IQCM: variants seen among roughly 807,000 people sequenced by gnomAD.
IQCM encodes IQ domain-containing protein M.
IQCM carries 45 observed loss-of-function variants against 57.6 expected under a neutral mutation model. The observed-to-expected ratio is 0.78, with a 90% CI of 0.62 to 1.00. The LOEUF (loss-of-function observed/expected upper bound fraction) is 1.00, where lower values mean the gene tolerates loss of function less well. Among genes scored for constraint, IQCM ranks in the 50% least tolerant of loss-of-function variants. The probability of loss-of-function intolerance (pLI) is 0.00; values close to 1 mark genes in which losing one functional copy is unlikely to be tolerated. For missense variants in IQCM, 468 were observed against 511.6 expected, an observed-to-expected ratio of 0.91 and a Z score of 0.82; for synonymous variants, 148 against 158.9, an observed-to-expected ratio of 0.93 and a Z score of 0.51.
intron 13 of IQCM, among the ~76,000 whole-genome samples, chr4:149,428,410 T>C (rs1734601689): frequency 6.6e-6 from 1 of 151,604 alleles, no homozygotes; most frequent in Admixed American, 6.6e-5. Flanking sequence ...AATGAGAAAA[T>C]TGGAAAAATG....
chr4:149,473,848 C>T (rs573087154), intron 12 of IQCM, among the ~76,000 whole-genome samples: 1 of 152,226 alleles, frequency 6.6e-6, no homozygotes, highest in Admixed American at 6.5e-5. Context: ...AGCTGGAAAC[C>T]ATTATTCTCA....
chr4:149,767,230 A>G (rs147598390), intron 2 of IQCM, among the ~76,000 whole-genome samples: 158 of 152,012 alleles, frequency 1.0e-3, no homozygotes, highest in African/African-American at 3.6e-3. Context: ...CCATTTATTT[A>G]TTTCTTAAAG....
intron 13 of IQCM, among the ~76,000 whole-genome samples, chr4:149,380,476 T>C (rs1156283991): frequency 6.6e-6 from 1 of 152,114 alleles, no homozygotes; most frequent in East Asian, 1.9e-4. Flanking sequence ...ATAATTATTG[T>C]CTAGATTAAG....
chr4:149,462,386 A>G (rs1738397497), intron 12 of IQCM, among the ~76,000 whole-genome samples: 1 of 152,196 alleles, frequency 6.6e-6, no homozygotes, highest in Non-Finnish European at 1.5e-5. Flanking sequence ...ACTACACAGA[A>G]TGGAAGGCCA....
intron 7 of IQCM, among the ~76,000 whole-genome samples, chr4:149,646,852 C>T (rs1327401417): frequency 6.6e-6 from 1 of 152,074 alleles, no homozygotes; most frequent in African/African-American, 2.4e-5. Flanking sequence ...GGTGTGGTGG[C>T]AGGCGCCTGT....
At chr4:149,659,511 C>T (rs1382670571) in intron 7 of IQCM, among the ~76,000 whole-genome samples, 1 of 152,086 alleles carries the variant, frequency 6.6e-6, no homozygotes, top group Non-Finnish European at 1.5e-5. Flanking sequence ...AAAAAAGAGC[C>T]CGCATCGCCA....
intron 7 of IQCM, among the ~76,000 whole-genome samples, chr4:149,669,669 G>C (rs902796848): frequency 5.3e-5 from 8 of 152,108 alleles, no homozygotes; most frequent in African/African-American, 1.7e-4. Flanking sequence ...TGTAAGGAAG[G>C]GATCCAGTTT....
At chr4:149,480,523 T>A (rs1177170461) in intron 12 of IQCM, among the ~76,000 whole-genome samples, 1 of 152,158 alleles carries the variant, frequency 6.6e-6, no homozygotes, top group African/African-American at 2.4e-5. Flanking sequence ...ATATTGGTAT[T>A]TCTGTGCCTG....
chr4:149,683,771 T>C (rs192826655), intron 6 of IQCM, among the ~76,000 whole-genome samples: 14 of 151,488 alleles, frequency 9.2e-5, no homozygotes, highest in Non-Finnish European at 2.1e-4. Flanking sequence ...AAGATTCTAA[T>C]GGAAGTAGAC....
chr4:149,566,777 T>A (rs1750674650), intron 9 of IQCM, among the ~76,000 whole-genome samples: 1 of 152,202 alleles, frequency 6.6e-6, no homozygotes, highest in Non-Finnish European at 1.5e-5. Context: ...TATCTCTAGA[T>A]AATTGGAATG....
intron 12 of IQCM, among the ~76,000 whole-genome samples, chr4:149,452,540 G>C (rs997090043): frequency 6.6e-6 from 1 of 151,454 alleles, no homozygotes; most frequent in Non-Finnish European, 1.5e-5. Flanking sequence ...GATATATATG[G>C]TTAAATTGAT....
chr4:149,439,809 C>A (rs1250997512), intron 12 of IQCM, among the ~76,000 whole-genome samples: 1 of 152,004 alleles, frequency 6.6e-6, no homozygotes, highest in East Asian at 1.9e-4. Flanking sequence ...ACAAAAAATT[C>A]TTAAAATTTA....
At chr4:149,679,001 A>ACC (rs1331658226) in intron 7 of IQCM, among the ~76,000 whole-genome samples, 2 of 151,732 alleles carry the variant, frequency 1.3e-5, no homozygotes, top group African/African-American at 4.8e-5. Context: ...AACTAGAACT[A>ACC]CCGTATGATC....
In IQCM at chr4:149,358,844, C is replaced by CAGTATATCATGATATACTCTCATG. The variant is rs142630198; in HGVS notation, c.1391-6802_1391-6779dup. Among the ~76,000 whole-genome samples, 241 of 107,970 alleles carry CAGTATATCATGATATACTCTCATG rather than the reference C, an allele frequency of 2.2e-3. 15 individuals carry two copies. The highest frequency in any genetic ancestry group is 6.5e-3 in the East Asian group (26 of 3,996). 70.8% of individuals were successfully genotyped at this position (107,970 alleles called of 152,430 possible). On this transcript the variant is annotated intron_variant, in intron 13 of 13. Coordinates refer to ENST00000636793, the MANE Select transcript of IQCM (RefSeq NM_001363507.2). ...GAGTGTATCATGACAGCACAGTGGA[C>CAGTATATCATGATATACTCTCATG]AGTATATCATGATATACTCTCATGA... is the stretch of plus-strand genomic sequence containing the variant.
intron 12 of IQCM, among the ~76,000 whole-genome samples, chr4:149,450,310 T>C (rs983657929): frequency 1.3e-5 from 2 of 151,764 alleles, no homozygotes; most frequent in African/African-American, 4.8e-5. Flanking sequence ...AAAACATTTA[T>C]TGAGTAGTAA....
chr4:149,414,593 T>C (rs964910812), intron 13 of IQCM, among the ~76,000 whole-genome samples: 1 of 152,104 alleles, frequency 6.6e-6, no homozygotes, highest in Non-Finnish European at 1.5e-5. Flanking sequence ...ATTTAATACT[T>C]TCATTTTATC....
chr4:149,606,783 C>T (rs1265332456), intron 8 of IQCM, among the ~76,000 whole-genome samples: 1 of 152,038 alleles, frequency 6.6e-6, no homozygotes, highest in Non-Finnish European at 1.5e-5. Context: ...GAAGAATGCA[C>T]TAGAGTCCCT....
chr4:149,664,613 G>A (rs1199945878), intron 7 of IQCM, among the ~76,000 whole-genome samples: 1 of 152,142 alleles, frequency 6.6e-6, no homozygotes, highest in Non-Finnish European at 1.5e-5. Context: ...GAGAGTTTGT[G>A]ATGGCAATGC....
intron 5 of IQCM, among the ~76,000 whole-genome samples, chr4:149,712,895 C>G (rs1417665722): frequency 6.6e-6 from 1 of 152,022 alleles, no homozygotes; most frequent in East Asian, 1.9e-4. Context: ...CTCATATGTT[C>G]TGGTACAAAT....
Sources: allele counts gnomAD v4.1 joint callset (sites outside exome capture counted in the v4.1 genomes callset), GRCh38; gene constraint gnomAD v4.1.1; transcripts MANE v1.5; gene names NCBI Gene and HGNC (gene_info 2026-07-23, HGNC 2026-07-21).